Variants in PRKRA observed in about 807,000 individuals in gnomAD.
PRKRA encodes protein activator of interferon induced protein kinase EIF2AK2.
Under a neutral mutation model 32.4 loss-of-function variants are expected in PRKRA, and 22 were observed. The ratio of observed to expected loss-of-function variants is 0.68; its 90% CI spans 0.49 to 0.97. The LOEUF is 0.97. Among genes scored for constraint, PRKRA ranks in the 50% least tolerant of loss-of-function variants. The pLI, the probability that PRKRA is intolerant of heterozygous loss-of-function variation, is 0.00. For missense variants in PRKRA, 319 were observed against 375.6 expected, an observed-to-expected ratio of 0.85 and a Z score of 1.25; for synonymous variants, 139 against 129.8, an observed-to-expected ratio of 1.07 and a Z score of -0.48.
At chr2:178,441,548 A>G (rs1388793756) in intron 6 of PRKRA, 62 bp downstream of exon 6, 2 of 1,018,280 alleles carry the variant, frequency 2.0e-6, no homozygotes, top group Admixed American at 2.5e-5. Context: ...GAAATCAAGG[A>G]AAGTTTCCTA....
rs190683388 is a variant in PRKRA at position 178,447,420 on chromosome 2, T to A, written c.317+85A>T. ...AGGATGCTAACAACTGTTCACTTTG[T>A]TGCTTTTGTAAGCATGTTCAAATTT... On this transcript the variant is annotated intron_variant, in intron 3 of 7. Transcript: ENST00000325748. 32 of 1,342,124 alleles carry A rather than the reference T, an allele frequency of 2.4e-5. No homozygotes were observed. The Admixed American group carries it at 5.1e-4, about 21-fold the overall frequency. The allele number at this position is 1,342,124 out of a possible 1,614,324, so 83.1% of individuals were successfully genotyped here.
intron 1 of PRKRA, 146 bp from the exon 2 acceptor site, chr2:178,450,557 C>A: frequency 3.3e-6 from 5 of 1,536,778 alleles, no homozygotes; most frequent in South Asian, 2.5e-5. Context: ...GAGGCTGGGG[C>A]GCACCTGTCT....
intron 4 of PRKRA, chr2:178,443,762 C>A: frequency 4.6e-6 from 1 of 216,848 alleles, no homozygotes; most frequent in Non-Finnish European, 9.4e-6. Context: ...ACTTCCAAAC[C>A]CACAGCTGGC....
At chr2:178,433,612 A>G (rs1696759491) in intron 7 of PRKRA, 2 of 152,104 alleles carry the variant, frequency 1.3e-5, no homozygotes, top group African/African-American at 2.4e-5. Flanking sequence ...AATGATATCG[A>G]GCATCTTTTC....
At chr2:178,434,358 G>A (rs528706294) in intron 7 of PRKRA, among the ~76,000 whole-genome samples, 3 of 151,506 alleles carry the variant, frequency 2.0e-5, no homozygotes, top group South Asian at 2.1e-4. Context: ...TGATCTGCCC[G>A]ACTTGGCCTC....
In PRKRA at chr2:178,437,099, G is replaced by A. The variant is rs1048630739; in HGVS notation, c.610-780C>T. Among the ~76,000 whole-genome samples the A allele has an allele frequency of 2.0e-5, 3 of 152,322 alleles. No homozygotes were observed. In the South Asian group the frequency reaches 6.2e-4, roughly 32 times the overall value. On this transcript the variant is annotated intron_variant, in intron 6 of 7. Transcript: ENST00000325748. ...TATTGTTTTATTAATGAGCACGACAGAGGGGAGGCAATTTCCAAAAGATTT... is the reference window on the plus strand; with the variant it reads ...TATTGTTTTATTAATGAGCACGACAAAGGGGAGGCAATTTCCAAAAGATTT...
chr2:178,450,571 G>C (rs1482064448), intron 1 of PRKRA, 160 bp from the exon 2 acceptor site: 3 of 1,511,590 alleles, frequency 2.0e-6, no homozygotes, highest in Admixed American at 4.4e-5. Flanking sequence ...CCTGTCTTCC[G>C]GCCCCGCTGC....
intron 5 of PRKRA, among the ~76,000 whole-genome samples, chr2:178,442,504 T>C (rs2154125091): frequency 6.6e-6 from 1 of 152,312 alleles, no homozygotes; most frequent in South Asian, 2.1e-4. Context: ...GCTTTTGTTT[T>C]ATAGATTAAA....
chr2:178,437,251 A>G (rs1026934837), intron 6 of PRKRA, among the ~76,000 whole-genome samples: 3 of 152,208 alleles, frequency 2.0e-5, no homozygotes, highest in African/African-American at 7.2e-5. Context: ...ATATACATGC[A>G]CTAAGAACAA....
At chr2:178,449,199 C>A (rs533489813) in intron 2 of PRKRA, among the ~76,000 whole-genome samples, 5 of 139,394 alleles carry the variant, frequency 3.6e-5, no homozygotes, top group Admixed American at 3.4e-4. Context: ...AAAACCCTCC[C>A]TTTTCTTGAA....
intron 6 of PRKRA, among the ~76,000 whole-genome samples, chr2:178,441,242 C>G (rs1697102455): frequency 6.6e-6 from 1 of 152,172 alleles, no homozygotes; most frequent in Non-Finnish European, 1.5e-5. Context: ...CACCCCAGTA[C>G]CCAACACAAC....
At chr2:178,442,500 G>C (rs996055356) in intron 5 of PRKRA, among the ~76,000 whole-genome samples, 1 of 152,090 alleles carries the variant, frequency 6.6e-6, no homozygotes, top group South Asian at 2.1e-4. Flanking sequence ...CCATGCTTTT[G>C]TTTTATAGAT....
At position 178,451,109 on chromosome 2, in the gene PRKRA, G is replaced by C; in HGVS notation, c.-79C>G. On this transcript the variant is annotated 5_prime_UTR_variant, in exon 1 of 8. Transcript: ENST00000325748. ...TCGCTCCCCGGGTCGCTGGTCCCCG[G>C]GAGGAGCTCCAGCGCCGCCACCTCC... 2 of 1,476,500 alleles carry C rather than the reference G, an allele frequency of 1.4e-6. No homozygotes were observed. The highest frequency in any genetic ancestry group is 1.3e-5 in the South Asian group (1 of 79,482). 91.5% of individuals were successfully genotyped at this position (1,476,500 alleles called of 1,614,324 possible).
At chr2:178,448,415 G>A (rs921592946) in intron 2 of PRKRA, among the ~76,000 whole-genome samples, 2 of 152,148 alleles carry the variant, frequency 1.3e-5, no homozygotes, top group African/African-American at 4.8e-5. Context: ...TAGCATACAG[G>A]GTCCCTGCCC....
At chr2:178,443,039 G>A (rs1697174658) in intron 5 of PRKRA, among the ~76,000 whole-genome samples, 1 of 152,126 alleles carries the variant, frequency 6.6e-6, no homozygotes, top group African/African-American at 2.4e-5. Context: ...CCAACAGTTT[G>A]TCTTTCTATT....
At chr2:178,441,009 T>C (rs959453398) in intron 6 of PRKRA, among the ~76,000 whole-genome samples, 3 of 152,230 alleles carry the variant, frequency 2.0e-5, no homozygotes, top group African/African-American at 7.2e-5. Flanking sequence ...GATGTTTCAC[T>C]CCTGGCCTTT....
intron 7 of PRKRA, among the ~76,000 whole-genome samples, chr2:178,432,780 A>C (rs1696722151): frequency 6.6e-6 from 1 of 152,194 alleles, no homozygotes; most frequent in African/African-American, 2.4e-5. Flanking sequence ...AAAATGTTTA[A>C]TTGATACATA....
chr2:178,443,469 T>C (rs954013228), intron 4 of PRKRA, 85 bp from the exon 5 acceptor site: 18 of 649,720 alleles, frequency 2.8e-5, no homozygotes, highest in Non-Finnish European at 4.0e-5. Context: ...ATCCCATTTC[T>C]ATGTATATGT....
At chr2:178,445,002 G>A (rs1314246560) in intron 3 of PRKRA, among the ~76,000 whole-genome samples, 2 of 152,188 alleles carry the variant, frequency 1.3e-5, no homozygotes, top group African/African-American at 4.8e-5. Flanking sequence ...CAATGATCCA[G>A]AAAATTTAGC....
Sources: gnomAD v4.1 joint callset for allele counts (sites outside exome capture counted in the v4.1 genomes callset) on GRCh38, gnomAD v4.1.1 for gene constraint, MANE v1.5 for transcripts, NCBI Gene and HGNC (gene_info 2026-07-23, HGNC 2026-07-21) for gene names.